The following KCNN2 variants were observed in gnomAD, a reference collection of about 807,000 sequenced individuals.
The protein encoded by KCNN2 is potassium calcium-activated channel subfamily N member 2.
In KCNN2, 24 loss-of-function variants were observed where a neutral mutation model predicts 55.5. The observed-to-expected ratio is 0.43, with a 90% CI of 0.31 to 0.61. The LOEUF (loss-of-function observed/expected upper bound fraction) is 0.61, where lower values mean the gene tolerates loss of function less well. KCNN2 is among the 20% of genes least tolerant of loss of function. The probability of loss-of-function intolerance (pLI) is 0.08; values close to 1 mark genes in which losing one functional copy is unlikely to be tolerated. For missense variants in KCNN2, 754 were observed against 853.6 expected, an observed-to-expected ratio of 0.88 and a Z score of 1.45; for synonymous variants, 431 against 336.1, an observed-to-expected ratio of 1.28 and a Z score of -3.09.
At chr5:114,064,967 G>A (rs1750414990) in intron 1 of KCNN2, among the ~76,000 whole-genome samples, 2 of 152,170 alleles carry the variant, frequency 1.3e-5, no homozygotes, top group Non-Finnish European at 2.9e-5. Flanking sequence ...TTGTGGGGCT[G>A]TTCAACCCCA....
chr5:114,076,866 T>C (rs1426540356), intron 1 of KCNN2, among the ~76,000 whole-genome samples: 1 of 152,078 alleles, frequency 6.6e-6, no homozygotes, highest in Non-Finnish European at 1.5e-5. Context: ...GCTAATTTTT[T>C]GTATTTTTAG....
At chr5:114,227,478 A>T (rs1380689916) in intron 2 of KCNN2, among the ~76,000 whole-genome samples, 2 of 152,168 alleles carry the variant, frequency 1.3e-5, no homozygotes, top group Non-Finnish European at 2.9e-5. Flanking sequence ...CTTCCACCTT[A>T]AAAACATCAT....
intron 3 of KCNN2, among the ~76,000 whole-genome samples, chr5:114,460,042 C>T (rs1047215151): frequency 1.3e-5 from 2 of 152,128 alleles, no homozygotes; most frequent in African/African-American, 4.8e-5. Flanking sequence ...CTCTGAAAAA[C>T]ATTTTTAATA....
At chr5:114,127,010 A>G (rs113428042) in intron 1 of KCNN2, among the ~76,000 whole-genome samples, 4,690 of 152,288 alleles carry the variant, frequency 0.031, 251 homozygotes, top group African/African-American at 0.11. Context: ...CGCTGATGCA[A>G]GAGATGGGCT....
chr5:114,116,499 T>C (rs888957766), intron 1 of KCNN2, among the ~76,000 whole-genome samples: 1 of 152,126 alleles, frequency 6.6e-6, no homozygotes, highest in South Asian at 2.1e-4. Context: ...CTCATGTATA[T>C]AGTATATGTA....
At chr5:114,446,316 G>C (rs1228156861) in intron 3 of KCNN2, among the ~76,000 whole-genome samples, 1 of 152,190 alleles carries the variant, frequency 6.6e-6, no homozygotes, top group Non-Finnish European at 1.5e-5. Flanking sequence ...TGGCAAAGAG[G>C]AAGTTCTTAG....
chr5:114,139,526 C>T (rs1752234046), intron 1 of KCNN2, among the ~76,000 whole-genome samples: 1 of 149,238 alleles, frequency 6.7e-6, no homozygotes, highest in Non-Finnish European at 1.5e-5. Context: ...TCTTAAAACA[C>T]AGCCTCCAGA....
intron 1 of KCNN2, among the ~76,000 whole-genome samples, chr5:114,217,003 C>T (rs1336910004): frequency 2.0e-5 from 3 of 151,930 alleles, no homozygotes; most frequent in Non-Finnish European, 4.4e-5. Context: ...AAATGCAGTA[C>T]CATTTACATT....
At chr5:114,441,991 T>C (rs898882789) in intron 3 of KCNN2, among the ~76,000 whole-genome samples, 1 of 152,208 alleles carries the variant, frequency 6.6e-6, no homozygotes, top group African/African-American at 2.4e-5. Flanking sequence ...AGGGATAGCT[T>C]TCTGCCTTTC....
chr5:114,392,015 C>G (rs1229917698), intron 2 of KCNN2, among the ~76,000 whole-genome samples: 1 of 152,076 alleles, frequency 6.6e-6, no homozygotes, highest in Non-Finnish European at 1.5e-5. Flanking sequence ...CAAAGATATT[C>G]TACTAAGTTC....
intron 2 of KCNN2, among the ~76,000 whole-genome samples, chr5:114,393,599 TATTATATAATTAAAAGTCTCCCATCC>T (rs1758521445): frequency 6.6e-6 from 1 of 152,106 alleles, no homozygotes; most frequent in South Asian, 2.1e-4. Flanking sequence ...AAGCATTAAA[TATTATATAATTAAAAGTCTCCCATCC>T]ATTTCTAGTG....
At chr5:114,495,454 A>T (rs116302703) in intron 7 of KCNN2, among the ~76,000 whole-genome samples, 98 of 152,278 alleles carry the variant, frequency 6.4e-4, no homozygotes, top group African/African-American at 2.2e-3. Context: ...TGCCATCTGT[A>T]TTATTATTTA....
chr5:114,366,298 T>A (rs1001291947), intron 2 of KCNN2, among the ~76,000 whole-genome samples: 1 of 152,224 alleles, frequency 6.6e-6, no homozygotes, highest in African/African-American at 2.4e-5. Context: ...ATAAACGTTA[T>A]AGAATGATAT....
chr5:114,092,808 C>T (rs1447541803), intron 1 of KCNN2, among the ~76,000 whole-genome samples: 2 of 152,186 alleles, frequency 1.3e-5, no homozygotes, highest in Non-Finnish European at 2.9e-5. Context: ...TTAGCCATGG[C>T]TGGGTTGCAG....
At chr5:114,467,853 T>C (rs182682080) in intron 4 of KCNN2, among the ~76,000 whole-genome samples, 53 of 152,324 alleles carry the variant, frequency 3.5e-4, no homozygotes, top group African/African-American at 1.2e-3. Flanking sequence ...CTGCCCTTCC[T>C]ATCTCTGAAG....
intron 2 of KCNN2, among the ~76,000 whole-genome samples, chr5:114,238,300 C>G (rs570993310): frequency 2.6e-4 from 39 of 152,200 alleles, no homozygotes; most frequent in African/African-American, 8.9e-4. Flanking sequence ...ACCTCTAATT[C>G]TCTTTTTTTA....
At chr5:114,280,181 T>C (rs141755582) in intron 2 of KCNN2, among the ~76,000 whole-genome samples, 1 of 152,218 alleles carries the variant, frequency 6.6e-6, no homozygotes, top group East Asian at 1.9e-4. Flanking sequence ...TTTGAGTTCA[T>C]TGTAGATTCT....
chr5:114,422,138 G>A (rs1759489082), intron 3 of KCNN2, among the ~76,000 whole-genome samples: 2 of 152,180 alleles, frequency 1.3e-5, no homozygotes, highest in Admixed American at 6.5e-5. Flanking sequence ...ATCAGAAAGC[G>A]AACTTGTGCT....
intron 1 of KCNN2, among the ~76,000 whole-genome samples, chr5:114,209,332 C>G (rs1753833260): frequency 6.6e-6 from 1 of 152,026 alleles, no homozygotes; most frequent in Non-Finnish European, 1.5e-5. Flanking sequence ...CTGCTTGCTC[C>G]TTAAATGTCA....
Sources: allele counts gnomAD v4.1 joint callset (sites outside exome capture counted in the v4.1 genomes callset), GRCh38; gene constraint gnomAD v4.1.1; transcripts MANE v1.5; gene names NCBI Gene and HGNC (gene_info 2026-07-23, HGNC 2026-07-21).